PTPRT: variants seen among roughly 807,000 people sequenced by gnomAD.
PTPRT encodes the protein receptor-type tyrosine-protein phosphatase T.
In PTPRT, 56 loss-of-function variants were observed where a neutral mutation model predicts 176.8. The observed-to-expected ratio is 0.32, with a 90% CI of 0.26 to 0.40. The LOEUF is 0.40. Among genes scored for constraint, PTPRT ranks in the 10% least tolerant of loss-of-function variants. The probability of loss-of-function intolerance (pLI) is 1.00; values close to 1 mark genes in which losing one functional copy is unlikely to be tolerated. For missense variants in PTPRT, 1,540 were observed against 1,908.2 expected (o/e 0.81, Z 3.60); for synonymous variants, 783 against 739.0 (o/e 1.06, Z -0.96).
At chr20:42,430,283 G>A (rs1261612348) in intron 9 of PTPRT, among the ~76,000 whole-genome samples, 1 of 152,178 alleles carries the variant, frequency 6.6e-6, no homozygotes, top group Non-Finnish European at 1.5e-5. Flanking sequence ...CAAAACTGAG[G>A]CTCCAGTAAA....
intron 1 of PTPRT, among the ~76,000 whole-genome samples, chr20:43,048,196 A>G (rs1247054558): frequency 1.3e-5 from 2 of 152,082 alleles, no homozygotes; most frequent in Non-Finnish European, 2.9e-5. Context: ...TCCAGGAGAA[A>G]AGGGCTTCCA....
intron 2 of PTPRT, among the ~76,000 whole-genome samples, chr20:42,801,202 T>C (rs1302765091): frequency 6.6e-6 from 1 of 152,196 alleles, no homozygotes; most frequent in African/African-American, 2.4e-5. Flanking sequence ...ATTATTTTGC[T>C]CTTCACTAGT....
intron 1 of PTPRT, among the ~76,000 whole-genome samples, chr20:43,087,390 TCC>T (rs2011641970): frequency 1.4e-5 from 1 of 72,008 alleles, no homozygotes; most frequent in Non-Finnish European, 2.5e-5. Context: ...TTTTTTTTTC[TCC>T]GAAACAGGGT....
chr20:42,160,018 G>C (rs1370727925), intron 17 of PTPRT, among the ~76,000 whole-genome samples: 1 of 152,078 alleles, frequency 6.6e-6, no homozygotes, highest in Admixed American at 6.6e-5. Context: ...TATAGTCTGA[G>C]GGATAAACTT....
At chr20:43,083,216 T>A (rs964365230) in intron 1 of PTPRT, among the ~76,000 whole-genome samples, 1 of 149,926 alleles carries the variant, frequency 6.7e-6, no homozygotes, top group Non-Finnish European at 1.5e-5. Context: ...TTTTTGTTTA[T>A]TGCTCATTGT....
downstream of PTPRT, among the ~76,000 whole-genome samples, chr20:42,068,619 G>A (rs1430491404): frequency 6.6e-6 from 1 of 152,216 alleles, no homozygotes; most frequent in Non-Finnish European, 1.5e-5. Flanking sequence ...GGCGGGATGA[G>A]CCACTTTATC....
chr20:42,681,588 A>G (rs1205820344), intron 6 of PTPRT, among the ~76,000 whole-genome samples: 1 of 152,212 alleles, frequency 6.6e-6, no homozygotes, highest in African/African-American at 2.4e-5. Flanking sequence ...CTGGACACTC[A>G]TTCATTCACT....
intron 1 of PTPRT, among the ~76,000 whole-genome samples, chr20:43,076,977 A>G (rs2011295925): frequency 6.6e-6 from 1 of 152,148 alleles, no homozygotes; most frequent in South Asian, 2.1e-4. Flanking sequence ...GTTCTAAACT[A>G]CAAATGGGAT....
At chr20:42,504,051 C>A (rs1206317282) in intron 7 of PTPRT, among the ~76,000 whole-genome samples, 1 of 152,086 alleles carries the variant, frequency 6.6e-6, no homozygotes, top group African/African-American at 2.4e-5. Flanking sequence ...CAACATCAGG[C>A]ATATTAAATA....
chr20:42,477,112 T>C (rs2071303834), intron 7 of PTPRT, among the ~76,000 whole-genome samples: 1 of 152,202 alleles, frequency 6.6e-6, no homozygotes, highest in African/African-American at 2.4e-5. Context: ...TCTTTGGCCA[T>C]GGCACTTTGC....
At chr20:43,181,979 A>G (rs1383212758) in intron 1 of PTPRT, among the ~76,000 whole-genome samples, 3 of 152,156 alleles carry the variant, frequency 2.0e-5, no homozygotes, top group Non-Finnish European at 2.9e-5. Context: ...GCATAATTAC[A>G]GTCAATCAGA....
chr20:42,257,633 A>ACC (rs2056665645), intron 13 of PTPRT, among the ~76,000 whole-genome samples: 16 of 12,264 alleles, frequency 1.3e-3, no homozygotes, highest in South Asian at 4.9e-3. Context: ...AGTGTGTAGC[A>ACC]CCTCCCCCCA....
intron 9 of PTPRT, among the ~76,000 whole-genome samples, chr20:42,414,942 G>A (rs753070774): frequency 2.6e-5 from 4 of 152,128 alleles, no homozygotes; most frequent in East Asian, 1.9e-4. Context: ...AAAAGATAGC[G>A]GGAGATAGAT....
At chr20:42,589,057 T>C (rs2145750180) in intron 7 of PTPRT, among the ~76,000 whole-genome samples, 1 of 152,328 alleles carries the variant, frequency 6.6e-6, no homozygotes. Context: ...CTCAGTAAAG[T>C]GCTTCCTACA....
intron 7 of PTPRT, among the ~76,000 whole-genome samples, chr20:42,522,156 G>A (rs972440988): frequency 6.7e-6 from 1 of 148,324 alleles, no homozygotes; most frequent in African/African-American, 2.5e-5. Context: ...CTTTTCTCTT[G>A]GATCTAGTTG....
At chr20:42,221,495 T>C (rs1333387142) in intron 15 of PTPRT, among the ~76,000 whole-genome samples, 1 of 151,130 alleles carries the variant, frequency 6.6e-6, no homozygotes, top group African/African-American at 2.4e-5. Flanking sequence ...TCTTACATGG[T>C]GGCAGGAGAG....
At chr20:42,668,604 A>C (rs2075357432) in intron 7 of PTPRT, among the ~76,000 whole-genome samples, 1 of 152,092 alleles carries the variant, frequency 6.6e-6, no homozygotes, top group South Asian at 2.1e-4. Flanking sequence ...AACAGTAGAC[A>C]TCGTGCGACA....
chr20:42,479,127 A>C (rs2071338885), intron 7 of PTPRT, among the ~76,000 whole-genome samples: 1 of 152,170 alleles, frequency 6.6e-6, no homozygotes, highest in Admixed American at 6.5e-5. Context: ...TAGCTGTAGA[A>C]TCTTCTAATG....
intron 7 of PTPRT, among the ~76,000 whole-genome samples, chr20:42,494,842 T>C (rs1250476072): frequency 6.6e-6 from 1 of 152,088 alleles, no homozygotes; most frequent in Non-Finnish European, 1.5e-5. Context: ...GTTTCCTCTA[T>C]CCCCAATCTT....
Sources: allele counts gnomAD v4.1 joint callset (sites outside exome capture counted in the v4.1 genomes callset), GRCh38; gene constraint gnomAD v4.1.1; transcripts MANE v1.5; gene names NCBI Gene and HGNC (gene_info 2026-07-23, HGNC 2026-07-21).